Variants in ITPR2 observed in about 807,000 individuals in gnomAD.
The protein encoded by ITPR2 is inositol 1,4,5-trisphosphate receptor type 2.
Under a neutral mutation model 317.1 loss-of-function variants are expected in ITPR2, and 207 were observed. That is an observed-to-expected ratio of 0.65 (90% CI 0.58 to 0.73). ITPR2 has a LOEUF of 0.73. ITPR2 is among the 30% of genes least tolerant of loss of function. ITPR2 has a pLI of 0.00. For missense variants in ITPR2, 2,613 were observed against 3,284.0 expected (o/e 0.80, Z 4.99); for synonymous variants, 1,156 against 1,149.1 (o/e 1.01, Z -0.12).
intron 49 of ITPR2, 66 bp downstream of exon 49, chr12:26,427,847 T>C (rs1354883376): frequency 1.9e-6 from 2 of 1,060,506 alleles, no homozygotes; most frequent in Non-Finnish European, 2.5e-6. Flanking sequence ...CTTATAGTTA[T>C]ATTTTTATAT....
intron 1 of ITPR2, among the ~76,000 whole-genome samples, chr12:26,818,378 G>C (rs1950892699): frequency 6.6e-6 from 1 of 152,206 alleles, no homozygotes; most frequent in South Asian, 2.1e-4. Context: ...TTTAGCCACT[G>C]AGACTTTTTG....
chr12:26,739,434 TC>T (rs2137078715), intron 2 of ITPR2, among the ~76,000 whole-genome samples: 1 of 152,290 alleles, frequency 6.6e-6, no homozygotes, highest in East Asian at 1.9e-4. Context: ...TAGTGGTATA[TC>T]CATACAATAG....
At chr12:26,772,165 T>C (rs1415632425) in intron 2 of ITPR2, among the ~76,000 whole-genome samples, 1 of 151,622 alleles carries the variant, frequency 6.6e-6, no homozygotes, top group Non-Finnish European at 1.5e-5. Flanking sequence ...CAACTGAACT[T>C]GGCACATCAA....
At position 26,540,715 on chromosome 12, in the gene ITPR2, AT is replaced by A. The variant is rs902268236; in HGVS notation, c.5073+9531del. Among the ~76,000 whole-genome samples, 8 of 152,246 alleles carry A rather than the reference AT, an allele frequency of 5.3e-5. 1 individual carries two copies. The Middle Eastern group carries it at 0.02, about 388-fold the overall frequency. ...GTGAGGCACAGTTAAGAACTTTGTA[AT>A]TTTTTTGTAATAATGAGGTTAAAAT... On this transcript the variant is annotated intron_variant, in intron 37 of 56. Transcript: ENST00000381340.
In ITPR2 at chr12:26,539,633, A is replaced by T. The variant is rs115061300; in HGVS notation, c.5073+10614T>A. 5.7e-3 allele frequency among the ~76,000 whole-genome samples: 871 copies of T among 152,164 alleles called. 11 individuals carry two copies. Among genetic ancestry groups the T allele is most frequent in the African/African-American group, 0.02 (829 of 41,500 alleles). Reference sequence around the variant, plus strand: ...CCCCCTTGGCTGAGCTCACACCATAACTGTGCACAGTGTCTGGGATCCTCT... The same window carrying T: ...CCCCCTTGGCTGAGCTCACACCATATCTGTGCACAGTGTCTGGGATCCTCT... On this transcript the variant is annotated intron_variant, in intron 37 of 56. Transcript: ENST00000381340.
rs577715309 is a variant in ITPR2 at position 26,672,371 on chromosome 12, G to A, written c.1410-6320C>T. On this transcript the variant is annotated intron_variant, in intron 13 of 56. Coordinates refer to ENST00000381340, the MANE Select transcript of ITPR2 (RefSeq NM_002223.4). ...CTATCTCTCAGACTACAGTGCAATCGAACTAGAACTCAGGATTAAGAAACT... is the reference window on the plus strand; with the variant it reads ...CTATCTCTCAGACTACAGTGCAATCAAACTAGAACTCAGGATTAAGAAACT... 3.0e-3 allele frequency among the ~76,000 whole-genome samples: 455 copies of A among 151,918 alleles called. 2 individuals carry two copies. Among genetic ancestry groups the A allele is most frequent in the Non-Finnish European group, 4.9e-3 (333 of 67,966 alleles).
At chr12:26,682,978 G>A (rs965742941) in intron 11 of ITPR2, among the ~76,000 whole-genome samples, 2 of 152,186 alleles carry the variant, frequency 1.3e-5, no homozygotes, top group Non-Finnish European at 2.9e-5. Context: ...AACTTTGGGG[G>A]TGTGGCCCAA....
At chr12:26,769,767 T>A (rs1303327133) in intron 2 of ITPR2, among the ~76,000 whole-genome samples, 2 of 152,170 alleles carry the variant, frequency 1.3e-5, no homozygotes, top group Non-Finnish European at 2.9e-5. Flanking sequence ...TTAATATGCC[T>A]AATACATGAC....
rs749145663 is a variant in ITPR2, at chr12:26,340,194, C to T, written c.7992G>A (p.Ser2664=). 5.7e-5 allele frequency: 91 copies of T among 1,606,326 alleles called. No individual in the cohort carries two copies. Among genetic ancestry groups the T allele is most frequent in the South Asian group, 1.1e-4 (10 of 88,984 alleles). Residue 2664 remains serine (S), a synonymous_variant, in exon 56 of 57, where the codon TCG becomes TCA. Coordinates refer to ENST00000381340, the MANE Select transcript of ITPR2 (RefSeq NM_002223.4). ...ESTMSLVKQL[S]GQLAELKEQM... is the part of the protein sequence containing the mutation. ...GCTCCTTGAGCTCCGCCAGCTGACC[C>T]GACAGCTGTTTGACCAGACTCATGG...
chr12:26,825,471 T>C (rs1950995596), intron 1 of ITPR2, among the ~76,000 whole-genome samples: 7 of 152,040 alleles, frequency 4.6e-5, no homozygotes, highest in Admixed American at 4.6e-4. Flanking sequence ...GTATTCTGTC[T>C]ATATTCTCTA....
At chr12:26,813,128 T>C (rs1294092094) in intron 1 of ITPR2, among the ~76,000 whole-genome samples, 1 of 152,220 alleles carries the variant, frequency 6.6e-6, no homozygotes, top group African/African-American at 2.4e-5. Flanking sequence ...TCATATTTAG[T>C]TGTAGCATAA....
rs1305404126 is a variant in ITPR2 at position 26,349,671 on chromosome 12, C to T, written c.7858-9343G>A. Among the ~76,000 whole-genome samples, 3 of 152,246 alleles carry T rather than the reference C, an allele frequency of 2.0e-5. No individual in the cohort carries two copies. In the East Asian group the frequency reaches 5.8e-4, roughly 29 times the overall value. ...GAGGCCATATGCAGAGTGGCTGAAG[C>T]CCACGCCTTAGAGACGTGCATGGCA... On this transcript the variant is annotated intron_variant, in intron 55 of 56. Transcript: ENST00000381340.
chr12:26,610,035 G>A (rs1342114537), intron 26 of ITPR2, among the ~76,000 whole-genome samples: 1 of 152,126 alleles, frequency 6.6e-6, no homozygotes, highest in Non-Finnish European at 1.5e-5. Context: ...CTGGAGACAA[G>A]AAAACAGATT....
intron 13 of ITPR2, among the ~76,000 whole-genome samples, chr12:26,669,623 A>C (rs1947704542): frequency 6.6e-6 from 1 of 152,270 alleles, no homozygotes; most frequent in African/African-American, 2.4e-5. Flanking sequence ...TGAGTGAAGC[A>C]GAAGACCGGT....
At chr12:26,531,679 ACAC>A (rs1388660884) in intron 37 of ITPR2, among the ~76,000 whole-genome samples, 2 of 149,940 alleles carry the variant, frequency 1.3e-5, no homozygotes, top group African/African-American at 2.5e-5. Context: ...ACACACACAC[ACAC>A]AAGTGTGTAT....
intron 41 of ITPR2, among the ~76,000 whole-genome samples, chr12:26,485,128 A>C (rs995679166): frequency 6.6e-6 from 1 of 152,188 alleles, no homozygotes; most frequent in Admixed American, 6.5e-5. Context: ...TATTCAGTCA[A>C]GTTCTCTAGA....
intron 43 of ITPR2, 128 bp downstream of exon 43, chr12:26,481,003 T>A: frequency 1.9e-6 from 1 of 522,358 alleles, no homozygotes; most frequent in South Asian, 3.1e-5. Flanking sequence ...GTAAGCATTG[T>A]ACTTTCACTA....
chr12:26,425,320 AATT>A (rs1359284329), intron 49 of ITPR2, among the ~76,000 whole-genome samples: 2 of 152,132 alleles, frequency 1.3e-5, no homozygotes, highest in Non-Finnish European at 2.9e-5. Context: ...TCAAAATGAC[AATT>A]ATTCCACTGA....
intron 55 of ITPR2, among the ~76,000 whole-genome samples, chr12:26,361,522 A>G (rs1014233840): frequency 6.6e-6 from 1 of 152,190 alleles, no homozygotes; most frequent in African/African-American, 2.4e-5. Context: ...GTATTGGTTT[A>G]GACTGTGCAC....
Sources: gnomAD v4.1 joint callset for allele counts (sites outside exome capture counted in the v4.1 genomes callset) on GRCh38, gnomAD v4.1.1 for gene constraint, MANE v1.5 for transcripts, NCBI Gene and HGNC (gene_info 2026-07-23, HGNC 2026-07-21) for gene names.